Variants in ARMC2 observed in about 807,000 individuals in gnomAD.
ARMC2 encodes armadillo repeat containing 2, also known as armadillo repeat-containing protein 2.
A neutral mutation model predicts 90.3 loss-of-function variants in ARMC2; 67 were observed. The observed-to-expected ratio is 0.74, with a 90% CI of 0.61 to 0.91. ARMC2 has a LOEUF of 0.91. Among genes scored for constraint, ARMC2 ranks in the 40% least tolerant of loss-of-function variants. ARMC2 has a pLI of 0.00. For synonymous variants in ARMC2, 393 were observed against 393.0 expected, an observed-to-expected ratio of 1.00 and a Z score of 0.00; for missense variants, 920 against 1,030.9, an observed-to-expected ratio of 0.89 and a Z score of 1.47.
chr6:109,045,025 A>G, the ARMC2 span, among the ~76,000 whole-genome samples: 1 of 148,050 alleles, frequency 6.8e-6, no homozygotes. Flanking sequence ...CTCCATTTCA[A>G]AAAAAAAAAA....
the ARMC2 span, among the ~76,000 whole-genome samples, chr6:109,001,698 A>G: frequency 6.6e-6 from 1 of 152,180 alleles, no homozygotes; most frequent in African/African-American, 2.4e-5. Context: ...ACAAAGGCTG[A>G]ACATTAAAGG....
chr6:108,938,177 T>C (rs1251635117), intron 12 of ARMC2, among the ~76,000 whole-genome samples: 2 of 152,102 alleles, frequency 1.3e-5, no homozygotes, highest in Non-Finnish European at 2.9e-5. Flanking sequence ...GTTTTGCGAG[T>C]TTATGGACCA....
chr6:108,907,544 T>C lies in ARMC2; in HGVS notation c.1023+3139T>C, dbSNP rs544551564. On this transcript the variant is annotated intron_variant, in intron 8 of 17. Transcript: ENST00000392644. ...TGAAAGAATTCAGCAACGATCGAGATTGTGTTCCTCACAGAGGGGCTCGGG... is the reference window on the plus strand; with the variant it reads ...TGAAAGAATTCAGCAACGATCGAGACTGTGTTCCTCACAGAGGGGCTCGGG... 66 of 1,303,080 alleles carry C rather than the reference T, an allele frequency of 5.1e-5. No individual in the cohort carries two copies. The African/African-American group carries it at 6.1e-4, about 12-fold the overall frequency. 80.7% of individuals were successfully genotyped at this position (1,303,080 alleles called of 1,614,324 possible).
At chr6:108,887,015 C>A (rs1000380890) in intron 5 of ARMC2, among the ~76,000 whole-genome samples, 6 of 151,590 alleles carry the variant, frequency 4.0e-5, no homozygotes, top group African/African-American at 1.5e-4. Context: ...TCAAGCAATT[C>A]TCTTGCCTCA....
chr6:108,868,735 T>C (rs1287539273), intron 3 of ARMC2, 89 bp from the exon 4 acceptor site: 2 of 1,242,112 alleles, frequency 1.6e-6, no homozygotes, highest in Non-Finnish European at 2.2e-6. Context: ...GGCCTTGTGC[T>C]CTTCTGGAAG....
At chr6:108,990,656 C>G in the ARMC2 span, 1 of 1,613,954 alleles carries the variant, frequency 6.2e-7, no homozygotes. Flanking sequence ...TTATTCCAAA[C>G]ATGCAGTGAA....
intron 15 of ARMC2, among the ~76,000 whole-genome samples, chr6:108,963,628 A>G (rs1392895764): frequency 6.6e-6 from 1 of 152,150 alleles, no homozygotes; most frequent in Non-Finnish European, 1.5e-5. Context: ...TCCCAGTTCC[A>G]TTTCCTAGGA....
At chr6:108,999,365 G>T in the ARMC2 span, among the ~76,000 whole-genome samples, 1 of 151,812 alleles carries the variant, frequency 6.6e-6, no homozygotes, top group African/African-American at 2.4e-5. Flanking sequence ...TTCAAATCTT[G>T]TATCTTCTTG....
At chr6:109,018,314 C>T in the ARMC2 span, among the ~76,000 whole-genome samples, 2,083 of 152,298 alleles carry the variant, frequency 0.014, 54 homozygotes, top group African/African-American at 0.047. Flanking sequence ...TAATGTCTCT[C>T]CCACCATCTG....
At chr6:108,921,433 C>T (rs140211283) in intron 10 of ARMC2, among the ~76,000 whole-genome samples, 2 of 152,246 alleles carry the variant, frequency 1.3e-5, no homozygotes, top group East Asian at 1.9e-4. Context: ...AGCCAGGCAC[C>T]GAGTGTTATC....
intron 5 of ARMC2, among the ~76,000 whole-genome samples, chr6:108,890,577 T>G (rs1295376751): frequency 6.6e-6 from 1 of 151,700 alleles, no homozygotes; most frequent in East Asian, 1.9e-4. Flanking sequence ...AAAAAAAAAT[T>G]AATGATGAGG....
chr6:108,958,908 G>A lies in ARMC2; in HGVS notation c.1916-2664G>A, dbSNP rs141470031. On this transcript the variant is annotated intron_variant, in intron 13 of 17. Coordinates refer to ENST00000392644, the MANE Select transcript of ARMC2 (RefSeq NM_032131.6). ...TTAAATAATTTGAGTAAGGTCACAC[G>A]GCCAGTGAGTGGAAGCACAGGGTTC... is the stretch of plus-strand genomic sequence containing the variant. Among the ~76,000 whole-genome samples, 45 of 152,282 alleles carry A rather than the reference G, an allele frequency of 3.0e-4. 1 individual carries two copies. Among genetic ancestry groups the A allele is most frequent in the African/African-American group, 1.0e-3 (42 of 41,568 alleles).
In ARMC2 at chr6:108,904,340, C is replaced by A. The variant is rs781175381; in HGVS notation, c.958C>A (p.Leu320Met). 1.2e-5 allele frequency: 19 copies of A among 1,613,494 alleles called. No homozygotes were observed. The highest frequency in any genetic ancestry group is 1.4e-5 in the Non-Finnish European group (17 of 1,179,746). The change falls in exon 8 of 18, where the codon CTG becomes ATG. Residue 320 changes from leucine to methionine, a missense_variant. Transcript: ENST00000392644. ...FKGRSILLKT[L>M]CKLVDVGSDS... ...GGGAAGAAGTATTCTCCTGAAGACC[C>A]TGTGTAAACTAGTTGATGTTGGTTC...
At chr6:109,046,452 G>A in the ARMC2 span, among the ~76,000 whole-genome samples, 2 of 149,318 alleles carry the variant, frequency 1.3e-5, no homozygotes, top group Admixed American at 1.3e-4. Context: ...CCTCCCAGCC[G>A]CCTGCCTTGG....
chr6:108,981,955 C>T, the ARMC2 span, among the ~76,000 whole-genome samples: 5 of 152,122 alleles, frequency 3.3e-5, no homozygotes, highest in Non-Finnish European at 7.4e-5. Context: ...GTGTGAGCCA[C>T]CTGTGCCCTG....
chr6:109,032,132 C>T, the ARMC2 span, among the ~76,000 whole-genome samples: 1 of 152,038 alleles, frequency 6.6e-6, no homozygotes, highest in African/African-American at 2.4e-5. Flanking sequence ...ATTAGCCAGG[C>T]GTGGTGGTTC....
At chr6:108,929,042 A>G (rs1775322451) in intron 11 of ARMC2, among the ~76,000 whole-genome samples, 1 of 152,048 alleles carries the variant, frequency 6.6e-6, no homozygotes. Flanking sequence ...ACGTGGGTAA[A>G]TTGTATGACG....
intron 11 of ARMC2, among the ~76,000 whole-genome samples, chr6:108,934,490 T>C (rs1021144050): frequency 1.3e-5 from 2 of 152,192 alleles, no homozygotes; most frequent in African/African-American, 4.8e-5. Context: ...CTGGGTTTAG[T>C]GTAAGTTTAT....
At chr6:108,922,264 C>T (rs962685607) in intron 10 of ARMC2, among the ~76,000 whole-genome samples, 4 of 152,064 alleles carry the variant, frequency 2.6e-5, no homozygotes, top group African/African-American at 9.7e-5. Context: ...CGGAGGGCCC[C>T]CCCACCCTTT....
Sources: allele counts gnomAD v4.1 joint callset (sites outside exome capture counted in the v4.1 genomes callset), GRCh38; gene constraint gnomAD v4.1.1; transcripts MANE v1.5; gene names NCBI Gene and HGNC (gene_info 2026-07-23, HGNC 2026-07-21).